The following MCTP1 variants were observed in gnomAD, a reference collection of about 807,000 sequenced individuals.
MCTP1 encodes the protein multiple C2 and transmembrane domain containing 1.
MCTP1 carries 69 observed loss-of-function variants against 120.6 expected under a neutral mutation model. The ratio of observed to expected loss-of-function variants is 0.57; its 90% CI spans 0.47 to 0.70. The LOEUF (loss-of-function observed/expected upper bound fraction) is 0.70. MCTP1 is among the 30% of genes least tolerant of loss of function. The pLI is 0.00. For missense variants in MCTP1, 1,203 were observed against 1,248.8 expected (o/e 0.96, Z 0.55); for synonymous variants, 529 against 493.1 (o/e 1.07, Z -0.96).
At chr5:94,980,231 G>A (rs1829098725) in intron 2 of MCTP1, among the ~76,000 whole-genome samples, 1 of 152,052 alleles carries the variant, frequency 6.6e-6, no homozygotes. Context: ...CAGCAGCAAA[G>A]CAAAACAAAG....
rs1415882089 is a variant in MCTP1 at position 94,704,865 on chromosome 5, G to A, written c.*2631C>T. On this transcript the variant is annotated 3_prime_UTR_variant, in exon 23 of 23. Transcript: ENST00000515393. ...TGCACTAGGATAATCTGAGTTGGGA[G>A]ATTCAATCAATCAATCAGTTTGAGT... is the stretch of plus-strand genomic sequence containing the variant. 2 of 151,002 alleles carry A rather than the reference G, an allele frequency of 1.3e-5. No individual in the cohort carries two copies. Among genetic ancestry groups the A allele is most frequent in the African/African-American group, 4.8e-5 (2 of 41,282 alleles). The allele number at this position is 151,002 out of a possible 1,614,324, so 9.4% of individuals were successfully genotyped here. A position where few individuals can be genotyped will look rare whatever the true frequency, so the allele number is the denominator to read the frequency against.
chr5:95,214,796 G>T (rs1432977802), intron 1 of MCTP1, among the ~76,000 whole-genome samples: 1 of 146,862 alleles, frequency 6.8e-6, no homozygotes, highest in East Asian at 2.0e-4. Flanking sequence ...GTTCTCACTC[G>T]TAGGTGGGAA....
intron 1 of MCTP1, among the ~76,000 whole-genome samples, chr5:95,041,933 A>G (rs953087207): frequency 6.6e-6 from 1 of 152,188 alleles, no homozygotes; most frequent in Non-Finnish European, 1.5e-5. Flanking sequence ...CTTCAACTGA[A>G]TCTGCCCCGT....
chr5:94,957,114 A>G (rs1822836593), intron 2 of MCTP1, among the ~76,000 whole-genome samples: 1 of 152,212 alleles, frequency 6.6e-6, no homozygotes, highest in East Asian at 1.9e-4. Context: ...CCAATATTCA[A>G]CATTCTTAAA....
intron 1 of MCTP1, among the ~76,000 whole-genome samples, chr5:95,025,961 C>T (rs1284996102): frequency 1.3e-5 from 2 of 152,054 alleles, no homozygotes; most frequent in East Asian, 3.9e-4. Flanking sequence ...AGAAGGGTCC[C>T]AGTGACTTTA....
chr5:95,143,455 C>T (rs568558720), intron 1 of MCTP1, among the ~76,000 whole-genome samples: 1 of 152,126 alleles, frequency 6.6e-6, no homozygotes, highest in East Asian at 1.9e-4. Context: ...AGTACATGTG[C>T]AGGTTTTTTA....
At chr5:95,274,004 T>C (rs1293380631) in intron 1 of MCTP1, among the ~76,000 whole-genome samples, 3 of 152,160 alleles carry the variant, frequency 2.0e-5, no homozygotes, top group Non-Finnish European at 4.4e-5. Context: ...CCTCCACATG[T>C]TCTCCTGTTT....
intron 1 of MCTP1, among the ~76,000 whole-genome samples, chr5:95,250,392 G>A (rs1280679131): frequency 6.6e-6 from 1 of 152,120 alleles, no homozygotes; most frequent in Non-Finnish European, 1.5e-5. Context: ...TTCTAATCCA[G>A]GAACTTCGTG....
At chr5:94,885,590 G>A (rs12153697) in intron 12 of MCTP1, among the ~76,000 whole-genome samples, 4,367 of 98,608 alleles carry the variant, frequency 0.044, 103 homozygotes, top group Non-Finnish European at 0.063. Context: ...ATATTTTCCC[G>A]CCACCCACCC....
rs1211529200 is a variant in MCTP1 at position 94,912,466 on chromosome 5, A to AAAAAAAAAAAAAAAAAAAAAAAAAAG, written c.1521+339_1521+340insCTTTTTTTTTTTTTTTTTTTTTTTTT. 7.6e-5 allele frequency among the ~76,000 whole-genome samples: 7 copies of AAAAAAAAAAAAAAAAAAAAAAAAAAG among 92,038 alleles called. 2 individuals carry two copies. The highest frequency in any genetic ancestry group is 1.9e-4 in the African/African-American group (5 of 26,702). The allele number at this position is 92,038 out of a possible 152,430, so 60.4% of individuals were successfully genotyped here. ...AAAAAAAAAAAAAAAAAAAAAAAAA[A>AAAAAAAAAAAAAAAAAAAAAAAAAAG]GCCGCACTCTGAGTACTTTATGTGC... On this transcript the variant is annotated intron_variant, in intron 9 of 22. Transcript: ENST00000515393.
chr5:95,208,280 A>C (rs930222572), intron 1 of MCTP1, among the ~76,000 whole-genome samples: 4 of 152,054 alleles, frequency 2.6e-5, no homozygotes, highest in Non-Finnish European at 5.9e-5. Context: ...TAGTAGAGGC[A>C]GGGTTTCACT....
intron 19 of MCTP1, among the ~76,000 whole-genome samples, chr5:94,741,435 C>T (rs890623048): frequency 5.9e-5 from 9 of 152,180 alleles, no homozygotes; most frequent in Admixed American, 1.3e-4. Context: ...ACATTTATAT[C>T]TGCTTTTGGT....
At chr5:94,744,666 G>T (rs778870177) in intron 19 of MCTP1, among the ~76,000 whole-genome samples, 37 of 152,116 alleles carry the variant, frequency 2.4e-4, no homozygotes, top group Non-Finnish European at 4.4e-4. Flanking sequence ...ACCACACTGG[G>T]CTAATTTTTG....
chr5:94,736,134 A>G (rs1398740052), intron 19 of MCTP1, among the ~76,000 whole-genome samples: 1 of 152,230 alleles, frequency 6.6e-6, no homozygotes, highest in African/African-American at 2.4e-5. Context: ...TACACAATAA[A>G]TGGCCACCTC....
intron 14 of MCTP1, 50 bp downstream of exon 14, chr5:94,871,265 T>TA: frequency 9.0e-7 from 1 of 1,111,638 alleles, no homozygotes; most frequent in Non-Finnish European, 1.4e-6. Context: ...TTTTTTTTTT[T>TA]CCGTGAGCAA....
chr5:95,260,407 C>T (rs1485361507), intron 1 of MCTP1, among the ~76,000 whole-genome samples: 5 of 152,054 alleles, frequency 3.3e-5, no homozygotes, highest in African/African-American at 9.7e-5. Flanking sequence ...AAAGGGTTCT[C>T]GTGACTGGAA....
At chr5:95,099,547 G>A (rs1429915367) in intron 1 of MCTP1, among the ~76,000 whole-genome samples, 91 of 151,444 alleles carry the variant, frequency 6.0e-4, no homozygotes, top group East Asian at 7.7e-4. Context: ...GGCCATCAGA[G>A]AAATACAAAT....
chr5:94,731,041 A>G (rs1270642447), intron 19 of MCTP1, among the ~76,000 whole-genome samples: 4 of 152,192 alleles, frequency 2.6e-5, no homozygotes, highest in Non-Finnish European at 5.9e-5. Context: ...AGGAATTGGG[A>G]AATACTGCCA....
intron 1 of MCTP1, among the ~76,000 whole-genome samples, chr5:95,078,763 T>C (rs975417618): frequency 1.3e-5 from 2 of 152,148 alleles, no homozygotes; most frequent in African/African-American, 4.8e-5. Context: ...CTACTACTAA[T>C]TGTGTGATGT....
Sources: allele counts gnomAD v4.1 joint callset (sites outside exome capture counted in the v4.1 genomes callset), GRCh38; gene constraint gnomAD v4.1.1; transcripts MANE v1.5; gene names NCBI Gene and HGNC (gene_info 2026-07-23, HGNC 2026-07-21).